Variants in ARHGAP33 observed in about 807,000 individuals in gnomAD.
ARHGAP33 encodes the protein Rho GTPase activating protein 33.
Under a neutral mutation model 126.2 loss-of-function variants are expected in ARHGAP33, and 57 were observed. That is an observed-to-expected ratio of 0.45 (90% confidence interval 0.36 to 0.56). ARHGAP33 has a LOEUF of 0.56. Among genes scored for constraint, ARHGAP33 ranks in the 20% least tolerant of loss-of-function variants. ARHGAP33 has a pLI of 0.00. For missense variants in ARHGAP33, 1,500 were observed against 1,748.3 expected (o/e 0.86, Z 2.53); for synonymous variants, 711 against 755.0 (o/e 0.94, Z 0.95).
rs1472830524 is a variant in ARHGAP33 at position 35,782,963 on chromosome 19, C to T, written c.1421+94C>T. ...TTTTCTTTTGTTTATTCATCGAATACGTGTCTATCAAATACCTCCCATGGA... is the reference window on the plus strand; with the variant it reads ...TTTTCTTTTGTTTATTCATCGAATATGTGTCTATCAAATACCTCCCATGGA... On this transcript the variant is annotated intron_variant, in intron 15 of 20. Coordinates refer to ENST00000007510, the MANE Select transcript of ARHGAP33 (RefSeq NM_001366178.1). The surrounding 1 kb of genome is among the most constrained non-coding windows in gnomAD (Gnocchi z 4.1). 1.7e-5 allele frequency: 19 copies of T among 1,111,544 alleles called. No homozygotes were observed. Among genetic ancestry groups the T allele is most frequent in the Middle Eastern group, 2.0e-4 (1 of 5,030 alleles). The allele number at this position is 1,111,544 out of a possible 1,614,324, so 68.9% of individuals were successfully genotyped here.
At chr19:35,784,448 C>A (rs1306060889) in intron 16 of ARHGAP33, 131 bp downstream of exon 16, 4 of 1,411,900 alleles carry the variant, frequency 2.8e-6, no homozygotes, top group South Asian at 1.6e-5. Flanking sequence ...CCTTGAGGAT[C>A]CCGCCCCGGC....
rs1243798418 is a variant in ARHGAP33, at chr19:35,782,163, C to T, written c.1086-210C>T. ...GGCACCTCTGTCTGAGCCTCAGCATCCTCCTCTGTAAATGCGGCACCCTTC... is the reference window on the plus strand; with the variant it reads ...GGCACCTCTGTCTGAGCCTCAGCATTCTCCTCTGTAAATGCGGCACCCTTC... On this transcript the variant is annotated intron_variant, in intron 12 of 20. Transcript: ENST00000007510. The surrounding 1 kb of genome is among the most constrained non-coding windows in gnomAD (Gnocchi z 4.1). Among the ~76,000 whole-genome samples the T allele has an allele frequency of 6.6e-6, 1 of 152,188 alleles. No homozygotes were observed. Among genetic ancestry groups the T allele is most frequent in the Non-Finnish European group, 1.5e-5 (1 of 68,036 alleles).
Position 35,787,739 on chromosome 19 carries a change from A to G in ARHGAP33, c.3174A>G (p.Pro1058=), listed in dbSNP as rs879090327. ...PKPGLYPLGP[P]SFQPSSPAPV... ...CAGGCTTGTACCCCCTGGGCCCCCC[A>G]TCCTTCCAGCCCAGTTCCCCAGCCC... is the stretch of plus-strand genomic sequence containing the variant. Residue 1058 remains proline, a synonymous_variant, in exon 21 of 21, where the codon CCA becomes CCG. Coordinates refer to ENST00000007510, the MANE Select transcript of ARHGAP33 (RefSeq NM_001366178.1). 6.5e-7 allele frequency: 1 copy of G among 1,532,490 alleles called. No homozygotes were observed. Among genetic ancestry groups the G allele is most frequent in the South Asian group, 1.2e-5 (1 of 81,676 alleles). The allele number at this position is 1,532,490 out of a possible 1,614,324, so 94.9% of individuals were successfully genotyped here. A position where few individuals can be genotyped will look rare whatever the true frequency, so the allele number is the denominator to read the frequency against.
At chr19:35,778,961 G>C (rs925336596) in intron 5 of ARHGAP33, 71 bp from the exon 6 acceptor site, 1 of 1,277,838 alleles carries the variant, frequency 7.8e-7, no homozygotes, top group Non-Finnish European at 1.1e-6. Flanking sequence ...AGACGAGCTA[G>C]GGCAGTGTGG....
chr19:35,784,087 C>T, intron 15 of ARHGAP33, 85 bp from the exon 16 acceptor site: 1 of 1,202,990 alleles, frequency 8.3e-7, no homozygotes, highest in South Asian at 1.4e-5. Context: ...ACAGTCACTG[C>T]CTCCCCTGGC....
At chr19:35,780,876 A>T in intron 10 of ARHGAP33, 44 bp from the exon 11 acceptor site, 1 of 1,611,992 alleles carries the variant, frequency 6.2e-7, no homozygotes, top group South Asian at 1.1e-5. Flanking sequence ...GGCCATGCTG[A>T]CCCCACAAGA....
chr19:35,781,512 C>G (rs231224), intron 12 of ARHGAP33, among the ~76,000 whole-genome samples: 1,560 of 152,330 alleles, frequency 0.01, 30 homozygotes, highest in African/African-American at 0.034. Context: ...CCCCTGCCCT[C>G]ATAGGGCCCA....
chr19:35,779,187 G>A, intron 6 of ARHGAP33, 63 bp downstream of exon 6: 2 of 1,329,884 alleles, frequency 1.5e-6, no homozygotes, highest in African/African-American at 1.5e-5. Context: ...GGGGCGAGAA[G>A]CAGCCTCGGT....
At position 35,788,624 on chromosome 19, in the gene ARHGAP33, C is replaced by A; in HGVS notation, c.*195C>A. 1 of 541,494 alleles carries A rather than the reference C, an allele frequency of 1.8e-6. No individual in the cohort carries two copies. The highest frequency in any genetic ancestry group is 3.1e-6 in the Non-Finnish European group (1 of 317,684). The allele number at this position is 541,494 out of a possible 1,614,324, so 33.5% of individuals were successfully genotyped here. On this transcript the variant is annotated 3_prime_UTR_variant, in exon 21 of 21. Coordinates refer to ENST00000007510, the MANE Select transcript of ARHGAP33 (RefSeq NM_001366178.1). ...TGGACTGAAGGGTCTGCCCATCCCC[C>A]CACCACCCTCCATCCTGGGGGCCCT...
Position 35,788,271 on chromosome 19 carries a change from A to G in ARHGAP33, c.3706A>G (p.Arg1236Gly), listed in dbSNP as rs1272619126. 2 of 1,607,882 alleles carry G rather than the reference A, an allele frequency of 1.2e-6. No individual in the cohort carries two copies. Among genetic ancestry groups the G allele is most frequent in the Non-Finnish European group, 1.7e-6 (2 of 1,178,284 alleles). Residue 1236 changes from arginine to glycine, a missense_variant, in exon 21 of 21, where the codon AGG becomes GGG. Physicochemically the swap from Arg to Gly is moderately radical, Grantham distance 125. Transcript: ENST00000007510. ...WGPPEPLLLY[R>G]AAPPAYGRGG... The stretch of plus-strand genomic sequence containing the variant: ...CCCTCCTGAGCCTCTCCTGCTCTAC[A>G]GGGCAGCCCCGCCAGCCTACGGAAG...
At position 35,787,676 on chromosome 19, in the gene ARHGAP33, C is replaced by G. The variant is rs1254010734; in HGVS notation, c.3111C>G (p.Pro1037=). ...VPTPGFFSPA[P]RECLPPFLGV... is the part of the protein sequence containing the mutation. The stretch of plus-strand genomic sequence containing the variant: ...CCCCCGGCTTCTTCTCCCCAGCCCC[C>G]AGGGAGTGCCTGCCACCCTTCCTCG... The change falls in exon 21 of 21, where the codon CCC becomes CCG. Residue 1037 remains proline (P), a synonymous_variant. Coordinates refer to ENST00000007510, the MANE Select transcript of ARHGAP33 (RefSeq NM_001366178.1). 6.3e-7 allele frequency: 1 copy of G among 1,595,318 alleles called. No individual in the cohort carries two copies.
Position 35,788,017 on chromosome 19 carries a change from G to A in ARHGAP33, c.3452G>A (p.Gly1151Asp). 1 of 1,597,422 alleles carries A rather than the reference G, an allele frequency of 6.3e-7. No individual in the cohort carries two copies. Among genetic ancestry groups the A allele is most frequent in the Non-Finnish European group, 8.5e-7 (1 of 1,174,976 alleles). ...APSCFPPDHLGYSAPQHPARR... is the reference protein window; with the variant it reads ...APSCFPPDHLDYSAPQHPARR... ...TCCTGCTTTCCCCCTGACCACCTTG[G>A]CTACTCAGCCCCCCAGCACCCTGCT... is the stretch of plus-strand genomic sequence containing the variant. Residue 1151 changes from glycine to aspartate, a missense_variant, in exon 21 of 21, where the codon GGC becomes GAC. Gly to Asp is a moderately conservative substitution (Grantham distance 94). Coordinates refer to ENST00000007510, the MANE Select transcript of ARHGAP33 (RefSeq NM_001366178.1).
chr19:35,787,093 AC>A (rs1160238470), intron 20 of ARHGAP33, 21 bp downstream of exon 20: 23 of 1,592,920 alleles, frequency 1.4e-5, no homozygotes, highest in Non-Finnish European at 1.8e-5. Flanking sequence ...AGCCTACCCC[AC>A]CCCTGTCCCC....
rs1183131910 is a variant in ARHGAP33 at position 35,786,540 on chromosome 19, GTCCTCCTCT to G, written c.2080_2088del (p.Ser694_Ser696del). The G allele has an allele frequency of 4.6e-6, 7 of 1,535,996 alleles. No individual in the cohort carries two copies. The highest frequency in any genetic ancestry group is 2.7e-5 in the African/African-American group (2 of 73,020). On this transcript the variant is annotated inframe_deletion, in exon 20 of 21. Transcript: ENST00000007510. The surrounding 1 kb of genome is among the most constrained non-coding windows in gnomAD (Gnocchi z 7.0). ...CCTCCTCCGAGTCCTCCTCCTCTGA[GTCCTCCTCT>G]TCCTCCTCTGAGTCCTCAGCAGCTG...
chr19:35,778,435 T>TG, intron 4 of ARHGAP33, 29 bp from the exon 5 acceptor site: 1 of 1,614,114 alleles, frequency 6.2e-7, no homozygotes, highest in Non-Finnish European at 8.5e-7. Context: ...ATGGGGCCCC[T>TG]GCTCCCTTCT....
In ARHGAP33 at chr19:35,777,703, C is replaced by T. The variant is rs915044601; in HGVS notation, c.65C>T (p.Thr22Ile). 3.7e-6 allele frequency: 6 copies of T among 1,604,070 alleles called. No homozygotes were observed. Among genetic ancestry groups the T allele is most frequent in the Non-Finnish European group, 4.3e-6 (5 of 1,175,412 alleles). Residue 22 changes from threonine (T) to isoleucine (I), a missense_variant, in exon 2 of 21, where the codon ACT becomes ATT. This residue lies in a region of ARHGAP33 where 129 missense variants were observed against 145.9 expected (regional missense o/e 0.88). Transcript: ENST00000007510. ...PGEGSVQPLP[T>I]AGGPSVKGKP... ...GAGGGCTCGGTGCAGCCTCTACCCA[C>T]TGCTGGGGGGCCCAGTGTGAAGGGG... is the stretch of plus-strand genomic sequence containing the variant.
intron 12 of ARHGAP33, among the ~76,000 whole-genome samples, chr19:35,781,890 G>C (rs918076482): frequency 1.3e-5 from 2 of 152,080 alleles, no homozygotes; most frequent in Non-Finnish European, 2.9e-5. Context: ...GCGAGATCTC[G>C]GCCTGCAGGA....
In ARHGAP33 at chr19:35,786,934, C is replaced by G; in HGVS notation, c.2464C>G (p.Pro822Ala). The change falls in exon 20 of 21, where the codon CCA (proline) becomes GCA (alanine). Residue 822 changes from proline to alanine, a missense_variant. Around this residue, in one of 6 missense-constraint regions of ARHGAP33, gnomAD observed 642 missense variants for 634.0 expected, o/e 1.01. Transcript: ENST00000007510. This position sits in a 1 kb window ranked among gnomAD's most constrained non-coding sequence, Gnocchi z 7.0. ...TGGGGGAGCACCTGCCTCAGCCACCCCAACACCAGCTCTCAGCCCCGGCCG... is the reference window on the plus strand; with the variant it reads ...TGGGGGAGCACCTGCCTCAGCCACCGCAACACCAGCTCTCAGCCCCGGCCG... The part of the protein sequence containing the change: ...GAGGAPASAT[P>A]TPALSPGRSL... The G allele has an allele frequency of 6.2e-7, 1 of 1,610,924 alleles. No individual in the cohort carries two copies. Among genetic ancestry groups the G allele is most frequent in the South Asian group, 1.1e-5 (1 of 90,940 alleles).
chr19:35,787,075 G>A lies in ARHGAP33; in HGVS notation c.2602+3G>A. The A allele has an allele frequency of 6.2e-7, 1 of 1,602,310 alleles. No homozygotes were observed. Among genetic ancestry groups the A allele is most frequent in the Non-Finnish European group, 8.5e-7 (1 of 1,173,562 alleles). On this transcript the variant is annotated splice_donor_region_variant and intron_variant, in intron 20 of 20. Transcript: ENST00000007510. ...CCGGGGAGCCCAGGGCCCACTCGGTGAGTCCTCAGCCTACCCCACCCCTGT... is the reference window on the plus strand; with the variant it reads ...CCGGGGAGCCCAGGGCCCACTCGGTAAGTCCTCAGCCTACCCCACCCCTGT...
Sources: gnomAD v4.1 joint callset for allele counts (sites outside exome capture counted in the v4.1 genomes callset) on GRCh38, gnomAD v4.1.1 for gene constraint, gnomAD v4.1.1 regional missense constraint, Gnocchi (gnomAD v3.1) non-coding constraint, MANE v1.5 for transcripts, NCBI Gene and HGNC (gene_info 2026-07-23, HGNC 2026-07-21) for gene names.